SPESP1: variants seen among roughly 807,000 people sequenced by gnomAD.
SPESP1 encodes the protein sperm equatorial segment protein 1.
Under a neutral mutation model 3.1 loss-of-function variants are expected in SPESP1, and 1 was observed. The ratio of observed to expected loss-of-function variants is 0.33; its 90% CI spans 0.12 to 1.54. SPESP1 has a LOEUF of 1.54. Among genes scored for constraint, SPESP1 ranks in the 40% most tolerant of loss-of-function variants. The pLI is 0.38. For synonymous variants in SPESP1, 138 were observed against 150.7 expected, an observed-to-expected ratio of 0.92 and a Z score of 0.62; for missense variants, 398 against 410.1, an observed-to-expected ratio of 0.97 and a Z score of 0.26.
chr15:68,932,051 T>G (rs1895557248), intron 1 of SPESP1, among the ~76,000 whole-genome samples: 1 of 152,254 alleles, frequency 6.6e-6, no homozygotes, highest in Non-Finnish European at 1.5e-5. Context: ...AGTTAGCTCT[T>G]TAAATACTAG....
intron 1 of SPESP1, among the ~76,000 whole-genome samples, chr15:68,938,848 C>T (rs993229040): frequency 2.0e-5 from 3 of 152,182 alleles, no homozygotes; most frequent in African/African-American, 4.8e-5. Context: ...TAAGTCTCTT[C>T]CTTTTCTTCT....
chr15:68,938,899 G>C (rs1895748449), intron 1 of SPESP1, among the ~76,000 whole-genome samples: 1 of 152,118 alleles, frequency 6.6e-6, no homozygotes, highest in African/African-American at 2.4e-5. Context: ...TGGGTATAGT[G>C]CCTGGCACAT....
chr15:68,935,910 A>G (rs926463262), intron 1 of SPESP1, among the ~76,000 whole-genome samples: 1 of 152,242 alleles, frequency 6.6e-6, no homozygotes, highest in African/African-American at 2.4e-5. Context: ...TCGTTTTAAA[A>G]TTTTAACCTT....
At chr15:68,932,187 C>T (rs1265226619) in intron 1 of SPESP1, among the ~76,000 whole-genome samples, 1 of 152,150 alleles carries the variant, frequency 6.6e-6, no homozygotes, top group Non-Finnish European at 1.5e-5. Context: ...TTATTACTAA[C>T]ACCAGTTATT....
At chr15:68,938,635 A>C (rs559385709) in intron 1 of SPESP1, among the ~76,000 whole-genome samples, 1 of 152,192 alleles carries the variant, frequency 6.6e-6, no homozygotes, top group African/African-American at 2.4e-5. Flanking sequence ...TAATGTTCAC[A>C]TGTATTTTAA....
Position 68,930,617 on chromosome 15 carries a change from G to T in SPESP1, c.-37G>T. The T allele has an allele frequency of 6.2e-7, 1 of 1,612,780 alleles. No individual in the cohort carries two copies. The highest frequency in any genetic ancestry group is 8.5e-7 in the Non-Finnish European group (1 of 1,179,094). ...GTTCCCAGCCTGGTGGCCCCAGGAC[G>T]TTCCGGTCGCATGGCAGAGTGCTAC... On this transcript the variant is annotated 5_prime_UTR_variant, in exon 1 of 2. Coordinates refer to ENST00000310673, the MANE Select transcript of SPESP1 (RefSeq NM_145658.4).
intron 1 of SPESP1, among the ~76,000 whole-genome samples, chr15:68,938,309 A>G (rs1022500420): frequency 1.1e-4 from 16 of 152,142 alleles, no homozygotes; most frequent in African/African-American, 3.6e-4. Flanking sequence ...TCATGATTTT[A>G]TTATTTTCCT....
At chr15:68,931,474 C>G (rs971824746) in intron 1 of SPESP1, among the ~76,000 whole-genome samples, 2 of 152,116 alleles carry the variant, frequency 1.3e-5, no homozygotes, top group African/African-American at 4.8e-5. Flanking sequence ...TCTGCAAAGA[C>G]TGAAGTATTT....
rs761735210 is a variant in SPESP1 at position 68,945,694 on chromosome 15, C to T, written c.160C>T (p.Arg54Cys). The change falls in exon 2 of 2, where the codon CGT (arginine) becomes TGT (cysteine). Residue 54 changes from arginine (R) to cysteine (C), a missense_variant. By Grantham distance (180) the Arg-to-Cys change is radical (BLOSUM62 -3). Transcript: ENST00000310673. ...AAGTGTTCCCTCTGGGGAGCCAGGTCGTGAGAAAAAATCTAACTCTCCAAA... is the reference window on the plus strand; with the variant it reads ...AAGTGTTCCCTCTGGGGAGCCAGGTTGTGAGAAAAAATCTAACTCTCCAAA... ...VRSVPSGEPG[R>C]EKKSNSPKHV... 26 of 1,613,662 alleles carry T rather than the reference C, an allele frequency of 1.6e-5. No homozygotes were observed. The Middle Eastern group carries it at 4.9e-4, about 31-fold the overall frequency.
intron 1 of SPESP1, chr15:68,939,947 G>A (rs976240418): frequency 3.9e-5 from 6 of 152,064 alleles, no homozygotes; most frequent in Admixed American, 3.3e-4. Context: ...CTTTCTAAAA[G>A]CGTTGAAACC....
chr15:68,940,382 T>G (rs1318481559), intron 1 of SPESP1, among the ~76,000 whole-genome samples: 2 of 152,160 alleles, frequency 1.3e-5, no homozygotes, highest in Non-Finnish European at 2.9e-5. Context: ...ATATAAGGAC[T>G]TTACAAAACA....
chr15:68,943,562 A>G (rs1457168501), intron 1 of SPESP1, among the ~76,000 whole-genome samples: 1 of 152,110 alleles, frequency 6.6e-6, no homozygotes, highest in Non-Finnish European at 1.5e-5. Context: ...ATGGGTTAAT[A>G]TAAATTATAT....
Position 68,945,891 on chromosome 15 carries a change from C to T in SPESP1, c.357C>T (p.Thr119=). 1.9e-6 allele frequency: 3 copies of T among 1,614,070 alleles called. No homozygotes were observed. Among genetic ancestry groups the T allele is most frequent in the Non-Finnish European group, 1.7e-6 (2 of 1,180,012 alleles). The part of the protein sequence containing the change: ...EIGKKKHTES[T]PFWSIKPNNV... ...GAAAGAAAAAACACACGGAAAGTAC[C>T]CCATTCTGGTCGATCAAACCAAACA... is the stretch of plus-strand genomic sequence containing the variant. The change falls in exon 2 of 2, where the codon ACC becomes ACT. Residue 119 remains threonine (T), a synonymous_variant. Coordinates refer to ENST00000310673, the MANE Select transcript of SPESP1 (RefSeq NM_145658.4).
intron 1 of SPESP1, among the ~76,000 whole-genome samples, chr15:68,938,000 A>G (rs551736946): frequency 2.1e-4 from 32 of 151,970 alleles, no homozygotes; most frequent in Middle Eastern, 6.8e-3. Flanking sequence ...ATTTTTTTGA[A>G]ATGGAGTTTC....
chr15:68,935,940 T>G (rs1261795919), intron 1 of SPESP1, among the ~76,000 whole-genome samples: 1 of 152,234 alleles, frequency 6.6e-6, no homozygotes, highest in Admixed American at 6.5e-5. Flanking sequence ...TCATTTTAAT[T>G]TGAAGGTGTT....
At chr15:68,940,576 C>G (rs1247645873) in intron 1 of SPESP1, among the ~76,000 whole-genome samples, 1 of 152,114 alleles carries the variant, frequency 6.6e-6, no homozygotes, top group Non-Finnish European at 1.5e-5. Context: ...TCCTCCATCT[C>G]TGTTTTTTCC....
At position 68,930,535 on chromosome 15, in the gene SPESP1, G is replaced by T; in HGVS notation, c.-119G>T. 7.2e-7 allele frequency: 1 copy of T among 1,389,836 alleles called. No homozygotes were observed. 86.1% of individuals were successfully genotyped at this position (1,389,836 alleles called of 1,614,324 possible). A position where few individuals can be genotyped will look rare whatever the true frequency, so the allele number is the denominator to read the frequency against. On this transcript the variant is annotated 5_prime_UTR_variant, in exon 1 of 2. Transcript: ENST00000310673. ...GCGCTGGGGACAACCGTTGCTGGGT[G>T]TCCCAGGGCCTGAGGCAGGACGGTA...
chr15:68,944,662 T>C (rs190328017), intron 1 of SPESP1, among the ~76,000 whole-genome samples: 1 of 152,266 alleles, frequency 6.6e-6, no homozygotes, highest in African/African-American at 2.4e-5. Context: ...AAGGGTAATA[T>C]AGTATTTTCA....
chr15:68,937,849 A>T (rs1895722725), intron 1 of SPESP1, among the ~76,000 whole-genome samples: 3 of 152,254 alleles, frequency 2.0e-5, no homozygotes, highest in Admixed American at 2.0e-4. Flanking sequence ...AATGAATTTT[A>T]GCAAGTTTTC....
Sources: allele counts gnomAD v4.1 joint callset (sites outside exome capture counted in the v4.1 genomes callset), GRCh38; gene constraint gnomAD v4.1.1; transcripts MANE v1.5; gene names NCBI Gene and HGNC (gene_info 2026-07-23, HGNC 2026-07-21).